TBC1D8: variants seen among roughly 807,000 people sequenced by gnomAD.
TBC1D8 encodes the protein BUB2-like protein 1.
TBC1D8 carries 65 observed loss-of-function variants against 118.8 expected under a neutral mutation model. That is an observed-to-expected ratio of 0.55 (90% CI 0.45 to 0.67). The LOEUF (loss-of-function observed/expected upper bound fraction) is 0.67, where lower values mean the gene tolerates loss of function less well. Ranked by LOEUF, TBC1D8 falls within the 30% of genes least tolerant of loss-of-function variation. The probability of loss-of-function intolerance (pLI) is 0.00; values close to 1 mark genes in which losing one functional copy is unlikely to be tolerated. For missense variants in TBC1D8, 1,376 were observed against 1,471.2 expected, an observed-to-expected ratio of 0.94 and a Z score of 1.06; for synonymous variants, 566 against 595.8, an observed-to-expected ratio of 0.95 and a Z score of 0.73.
intron 19 of TBC1D8, among the ~76,000 whole-genome samples, chr2:101,010,611 G>A (rs926675171): frequency 6.6e-6 from 1 of 151,194 alleles, no homozygotes; most frequent in Non-Finnish European, 1.5e-5. Context: ...TCGGTCGGGC[G>A]CGGTGGCTCA....
At chr2:101,043,140 G>GT (rs1681484471) in intron 5 of TBC1D8, among the ~76,000 whole-genome samples, 1 of 152,236 alleles carries the variant, frequency 6.6e-6, no homozygotes, top group Admixed American at 6.5e-5. Flanking sequence ...AACGGGTCCA[G>GT]TTCCTGGGGG....
At chr2:101,085,722 G>A (rs575633772) in intron 2 of TBC1D8, among the ~76,000 whole-genome samples, 1 of 152,296 alleles carries the variant, frequency 6.6e-6, no homozygotes, top group African/African-American at 2.4e-5. Context: ...AAATTCTCAC[G>A]AATGCTTCAT....
At chr2:101,027,983 GGA>G (rs1475976298) in intron 14 of TBC1D8, 63 bp downstream of exon 14, 12 of 1,437,366 alleles carry the variant, frequency 8.3e-6, no homozygotes, top group African/African-American at 1.4e-5. Flanking sequence ...TGACCAAAAA[GGA>G]TGCGCACTCC....
chr2:101,147,373 T>C (rs1249786179), intron 1 of TBC1D8, among the ~76,000 whole-genome samples: 2 of 152,156 alleles, frequency 1.3e-5, no homozygotes, highest in African/African-American at 4.8e-5. Flanking sequence ...ACATTTTCAG[T>C]TTTTTGAAGA....
At chr2:101,077,120 T>C (rs578178898) in intron 2 of TBC1D8, among the ~76,000 whole-genome samples, 1 of 152,052 alleles carries the variant, frequency 6.6e-6, no homozygotes, top group African/African-American at 2.4e-5. Flanking sequence ...GCCTCCCGGG[T>C]TCACGCCATT....
At chr2:101,037,963 C>T (rs1681130019) in intron 7 of TBC1D8, among the ~76,000 whole-genome samples, 2 of 152,180 alleles carry the variant, frequency 1.3e-5, no homozygotes. Flanking sequence ...TCCTCATGGG[C>T]AGCCCCAGCC....
intron 4 of TBC1D8, among the ~76,000 whole-genome samples, chr2:101,053,199 T>A (rs922814890): frequency 1.3e-5 from 2 of 152,118 alleles, no homozygotes; most frequent in African/African-American, 4.8e-5. Context: ...ATAGGCTAAG[T>A]ACAGAGAAAG....
chr2:101,103,449 T>TG lies in TBC1D8; in HGVS notation c.128-13086dup, dbSNP rs540517543. On this transcript the variant is annotated intron_variant, in intron 1 of 19. Transcript: ENST00000409318. ...CTCTGCTGCCTAGGCTGGAATGCAG[T>TG]GGCACTATCTCGGCTCACTGCAAGC... 8.4e-4 allele frequency among the ~76,000 whole-genome samples: 127 copies of TG among 151,214 alleles called. No homozygotes were observed. In the South Asian group the frequency reaches 0.016, roughly 18 times the overall value.
chr2:101,027,268 G>T, intron 15 of TBC1D8, 115 bp downstream of exon 15: 2 of 926,454 alleles, frequency 2.2e-6, no homozygotes, highest in Non-Finnish European at 1.7e-6. Flanking sequence ...GGCAGCTCCG[G>T]CCTCTGCTCC....
intron 15 of TBC1D8, among the ~76,000 whole-genome samples, chr2:101,025,785 C>T (rs569415643): frequency 1.3e-5 from 2 of 152,270 alleles, no homozygotes; most frequent in Admixed American, 6.5e-5. Context: ...CACAAGGCGC[C>T]GTTTCAGGCC....
In TBC1D8 at chr2:101,125,137, C is replaced by T. The variant is rs138258136; in HGVS notation, c.127+25990G>A. On this transcript the variant is annotated intron_variant, in intron 1 of 19. Coordinates refer to ENST00000409318, the MANE Select transcript of TBC1D8 (RefSeq NM_001330348.2). ...ATCAAGCAGCCTCCGGCCACTCCTC[C>T]GGCCAACATCACTTCCAGCCAACAA... is the stretch of plus-strand genomic sequence containing the variant. Among the ~76,000 whole-genome samples, 500 of 152,290 alleles carry T rather than the reference C, an allele frequency of 3.3e-3. 4 individuals carry two copies. Among genetic ancestry groups the T allele is most frequent in the African/African-American group, 9.8e-3 (407 of 41,562 alleles).
At chr2:101,034,318 A>G (rs1487801509) in intron 9 of TBC1D8, among the ~76,000 whole-genome samples, 1 of 152,230 alleles carries the variant, frequency 6.6e-6, no homozygotes, top group Non-Finnish European at 1.5e-5. Context: ...AGCAGTGTGC[A>G]AGCATGCACA....
intron 1 of TBC1D8, among the ~76,000 whole-genome samples, chr2:101,143,128 T>A (rs531791983): frequency 6.7e-6 from 1 of 149,852 alleles, no homozygotes. Context: ...AATGGCGAGA[T>A]CTCGGCTCAC....
At chr2:101,150,027 G>A (rs1039556001) in intron 1 of TBC1D8, among the ~76,000 whole-genome samples, 4 of 152,124 alleles carry the variant, frequency 2.6e-5, no homozygotes, top group African/African-American at 9.7e-5. Context: ...CACTCACCCG[G>A]TCTCAGTGTA....
intron 11 of TBC1D8, among the ~76,000 whole-genome samples, chr2:101,031,887 C>A (rs775657593): frequency 2.0e-5 from 3 of 152,004 alleles, no homozygotes; most frequent in Non-Finnish European, 4.4e-5. Flanking sequence ...TCCCCCCAGG[C>A]CCCCACCCTC....
intron 15 of TBC1D8, among the ~76,000 whole-genome samples, chr2:101,023,027 C>G (rs1253836016): frequency 6.6e-6 from 1 of 151,920 alleles, no homozygotes; most frequent in Non-Finnish European, 1.5e-5. Context: ...CACCTGTGAT[C>G]CCAGCTACTC....
chr2:101,092,838 C>T (rs1055716574), intron 1 of TBC1D8, among the ~76,000 whole-genome samples: 9 of 152,124 alleles, frequency 5.9e-5, no homozygotes, highest in African/African-American at 1.9e-4. Flanking sequence ...GTGCTCATTG[C>T]TAATGGGGTG....
chr2:101,051,304 C>G (rs1682059660), intron 4 of TBC1D8, among the ~76,000 whole-genome samples: 1 of 152,166 alleles, frequency 6.6e-6, no homozygotes, highest in Admixed American at 6.6e-5. Flanking sequence ...AATGGTAGTT[C>G]TACTTTTAGT....
At chr2:101,073,967 G>A (rs1314300978) in intron 2 of TBC1D8, among the ~76,000 whole-genome samples, 1 of 152,240 alleles carries the variant, frequency 6.6e-6, no homozygotes, top group African/African-American at 2.4e-5. Context: ...TGTGTTCACT[G>A]GAGTAGCAAT....
Sources: allele counts gnomAD v4.1 joint callset (sites outside exome capture counted in the v4.1 genomes callset), GRCh38; gene constraint gnomAD v4.1.1; transcripts MANE v1.5; gene names NCBI Gene and HGNC (gene_info 2026-07-23, HGNC 2026-07-21).